The following NRDC variants were observed in gnomAD, a reference collection of about 807,000 sequenced individuals.
The protein encoded by NRDC is nardilysin.
In NRDC, 54 loss-of-function variants were observed where a neutral mutation model predicts 147.1. That is an observed-to-expected ratio of 0.37 (90% CI 0.29 to 0.46). NRDC has a LOEUF of 0.46. NRDC is among the 20% of genes least tolerant of loss of function. The pLI is 1.00. For missense variants in NRDC, 1,082 were observed against 1,370.6 expected, an observed-to-expected ratio of 0.79 and a Z score of 3.33; for synonymous variants, 440 against 482.1, an observed-to-expected ratio of 0.91 and a Z score of 1.14.
chr1:51,870,934 C>T (rs1224123914), intron 1 of NRDC, among the ~76,000 whole-genome samples: 1 of 152,112 alleles, frequency 6.6e-6, no homozygotes, highest in Non-Finnish European at 1.5e-5. Flanking sequence ...AAAAAACTCT[C>T]TCTTGCTACA....
At chr1:51,846,617 G>A (rs953454669) in intron 1 of NRDC, among the ~76,000 whole-genome samples, 1 of 152,210 alleles carries the variant, frequency 6.6e-6, no homozygotes, top group African/African-American at 2.4e-5. Context: ...ACTCTCGCTG[G>A]CTTCAGGAGT....
At chr1:51,838,989 A>G (rs1475018573) in intron 2 of NRDC, among the ~76,000 whole-genome samples, 3 of 152,112 alleles carry the variant, frequency 2.0e-5, no homozygotes, top group Non-Finnish European at 4.4e-5. Flanking sequence ...TGAGTAGTAA[A>G]CAGGAAAAAG....
intron 1 of NRDC, among the ~76,000 whole-genome samples, chr1:51,851,070 G>T (rs372569246): frequency 5.3e-5 from 8 of 152,226 alleles, no homozygotes; most frequent in African/African-American, 1.9e-4. Context: ...GCAGCTGCCT[G>T]AATTATTTTA....
chr1:51,823,899 G>C lies in NRDC; in HGVS notation c.1037-113C>G. 4 of 613,344 alleles carry C rather than the reference G, an allele frequency of 6.5e-6. No individual in the cohort carries two copies. In the East Asian group the frequency reaches 1.2e-4, roughly 18 times the overall value. 38.0% of individuals were successfully genotyped at this position (613,344 alleles called of 1,614,324 possible). A position where few individuals can be genotyped will look rare whatever the true frequency, so the allele number is the denominator to read the frequency against. On this transcript the variant is annotated intron_variant, in intron 6 of 30. Coordinates refer to ENST00000352171, the MANE Select transcript of NRDC (RefSeq NM_001101662.2). ...ACATGATTAATGAAATAACCCAAGGGACTCAAGAATATTGAACCAGTGTGC... is the reference window on the plus strand; with the variant it reads ...ACATGATTAATGAAATAACCCAAGGCACTCAAGAATATTGAACCAGTGTGC...
At chr1:51,855,522 CTAATTT>C (rs1682191833) in intron 1 of NRDC, among the ~76,000 whole-genome samples, 2 of 151,716 alleles carry the variant, frequency 1.3e-5, no homozygotes, top group Admixed American at 1.3e-4. Context: ...TCACTGTATA[CTAATTT>C]TAAGTTTTTA....
chr1:51,831,024 C>T (rs1680683263), intron 4 of NRDC, among the ~76,000 whole-genome samples: 1 of 152,106 alleles, frequency 6.6e-6, no homozygotes, highest in Non-Finnish European at 1.5e-5. Context: ...CCCTATAATG[C>T]TCTACTTATG....
At chr1:51,795,632 ACAGTT>A (rs552455349) in intron 22 of NRDC, 122 of 163,476 alleles carry the variant, frequency 7.5e-4, no homozygotes, top group Middle Eastern at 6.4e-3. Flanking sequence ...TAATAACAAA[ACAGTT>A]CAGGGAGAGA....
chr1:51,840,184 C>T lies in NRDC; in HGVS notation c.630+42G>A, dbSNP rs753728016. On this transcript the variant is annotated intron_variant, in intron 2 of 30. Transcript: ENST00000352171. The stretch of plus-strand genomic sequence containing the variant: ...ATAAAGCTTGAGTTTAGAAGTTACC[C>T]AAAGAATTCCCAAATTAGAAGAAAA... 22 of 1,526,782 alleles carry T rather than the reference C, an allele frequency of 1.4e-5. No homozygotes were observed. The South Asian group carries it at 2.8e-4, about 19-fold the overall frequency. 94.6% of individuals were successfully genotyped at this position (1,526,782 alleles called of 1,614,324 possible).
At chr1:51,865,222 G>A (rs910693522) in intron 1 of NRDC, among the ~76,000 whole-genome samples, 1 of 151,304 alleles carries the variant, frequency 6.6e-6, no homozygotes, top group Non-Finnish European at 1.5e-5. Flanking sequence ...TTTATAAAAG[G>A]AGAAATCCTG....
At chr1:51,813,743 G>C (rs975942808) in intron 14 of NRDC, among the ~76,000 whole-genome samples, 1 of 152,080 alleles carries the variant, frequency 6.6e-6, no homozygotes, top group African/African-American at 2.4e-5. Context: ...ACCATAACAA[G>C]TCTCCATGAA....
intron 1 of NRDC, among the ~76,000 whole-genome samples, chr1:51,852,891 A>AAG (rs2124008911): frequency 6.6e-6 from 1 of 152,248 alleles, no homozygotes; most frequent in African/African-American, 2.4e-5. Context: ...AAGTTCCTTC[A>AAG]ATCATCATAA....
At position 51,812,098 on chromosome 1, in the gene NRDC, T is replaced by C. The variant is rs557096162; in HGVS notation, c.1675A>G (p.Thr559Ala). The C allele has an allele frequency of 3.1e-6, 5 of 1,607,626 alleles. No individual in the cohort carries two copies. Among genetic ancestry groups the C allele is most frequent in the African/African-American group, 1.3e-5 (1 of 74,932 alleles). ...EDNEFHYQEQTDPVEYVENMC... is the reference protein window; with the variant it reads ...EDNEFHYQEQADPVEYVENMC... ...TTTTCCACATACTCAACTGGATCTG[T>C]CTGTAAAGAGGTAAATTATTTCACA... Residue 559 changes from threonine to alanine, a missense_variant and splice_region_variant, in exon 15 of 31, where the codon ACA becomes GCA. Physicochemically the swap from Thr to Ala is moderately conservative, Grantham distance 58. Coordinates refer to ENST00000352171, the MANE Select transcript of NRDC (RefSeq NM_001101662.2).
At chr1:51,825,919 A>G (rs140607602) in intron 5 of NRDC, among the ~76,000 whole-genome samples, 180 of 152,346 alleles carry the variant, frequency 1.2e-3, no homozygotes, top group Middle Eastern at 3.4e-3. Context: ...GGTAGGGGCC[A>G]ATGAGAAATG....
intron 9 of NRDC, among the ~76,000 whole-genome samples, chr1:51,819,528 A>C (rs1303750280): frequency 6.6e-6 from 1 of 152,240 alleles, no homozygotes; most frequent in Non-Finnish European, 1.5e-5. Context: ...AAAATTTAAC[A>C]AAACAGAGAA....
At chr1:51,846,605 G>C (rs147279495) in intron 1 of NRDC, among the ~76,000 whole-genome samples, 4 of 152,316 alleles carry the variant, frequency 2.6e-5, no homozygotes, top group African/African-American at 9.6e-5. Context: ...CTGTGGGTTC[G>C]TACTCTCGCT....
intron 1 of NRDC, among the ~76,000 whole-genome samples, chr1:51,871,545 A>G (rs1325292655): frequency 1.9e-5 from 2 of 104,606 alleles, no homozygotes; most frequent in Admixed American, 2.1e-4. Flanking sequence ...AAAAAAAAAA[A>G]GCCACTATCA....
chr1:51,820,236 C>T (rs1256030643), intron 8 of NRDC, among the ~76,000 whole-genome samples: 4 of 152,068 alleles, frequency 2.6e-5, no homozygotes, highest in African/African-American at 7.2e-5. Context: ...TTAAAATCAA[C>T]GATTATACAT....
At chr1:51,825,624 A>G (rs749690707) in intron 5 of NRDC, among the ~76,000 whole-genome samples, 19 of 152,328 alleles carry the variant, frequency 1.2e-4, no homozygotes, top group Non-Finnish European at 2.5e-4. Flanking sequence ...CAAATGAAAC[A>G]CAAGGTAGTT....
chr1:51,838,873 C>A (rs1424416220), intron 2 of NRDC, among the ~76,000 whole-genome samples: 1 of 152,074 alleles, frequency 6.6e-6, no homozygotes, highest in Non-Finnish European at 1.5e-5. Flanking sequence ...CATATATATA[C>A]CTTTTTTTCC....
Sources: allele counts gnomAD v4.1 joint callset (sites outside exome capture counted in the v4.1 genomes callset), GRCh38; gene constraint gnomAD v4.1.1; transcripts MANE v1.5; gene names NCBI Gene and HGNC (gene_info 2026-07-23, HGNC 2026-07-21).